The following SETBP1 variants were observed in gnomAD, a reference collection of about 807,000 sequenced individuals.
The protein encoded by SETBP1 is SET-binding protein.
In SETBP1, 9 loss-of-function variants were observed where a neutral mutation model predicts 101.0. The observed-to-expected ratio is 0.09, with a 90% confidence interval of 0.05 to 0.16. The LOEUF (loss-of-function observed/expected upper bound fraction) is 0.16. Ranked by LOEUF, SETBP1 falls within the 10% of genes least tolerant of loss-of-function variation. SETBP1 has a pLI of 1.00. For synonymous variants in SETBP1, 818 were observed against 788.5 expected (o/e 1.04, Z -0.63); for missense variants, 1,858 against 2,033.8 (o/e 0.91, Z 1.66).
At chr18:44,764,897 T>C (rs1388040323) in intron 2 of SETBP1, among the ~76,000 whole-genome samples, 3 of 152,234 alleles carry the variant, frequency 2.0e-5, no homozygotes. Flanking sequence ...GGGCAGGGAC[T>C]TTGCTCTGCT....
At chr18:44,710,618 A>C (rs2069317855) in intron 2 of SETBP1, among the ~76,000 whole-genome samples, 1 of 152,024 alleles carries the variant, frequency 6.6e-6, no homozygotes, top group South Asian at 2.1e-4. Context: ...CATGCGGCTA[A>C]CTTTTGTATT....
intron 4 of SETBP1, among the ~76,000 whole-genome samples, chr18:44,972,255 C>G (rs189315846): frequency 6.6e-6 from 1 of 151,966 alleles, no homozygotes; most frequent in Non-Finnish European, 1.5e-5. Context: ...TGGTACCAGT[C>G]CCATGCTGTT....
intron 2 of SETBP1, among the ~76,000 whole-genome samples, chr18:44,757,588 T>C (rs1288553675): frequency 6.6e-6 from 1 of 152,230 alleles, no homozygotes; most frequent in Non-Finnish European, 1.5e-5. Context: ...GTAGCAATAG[T>C]GAACATTTAC....
intron 5 of SETBP1, among the ~76,000 whole-genome samples, chr18:45,046,383 T>C (rs1463414975): frequency 6.6e-6 from 1 of 152,168 alleles, no homozygotes; most frequent in East Asian, 1.9e-4. Context: ...CCTAAGAAAG[T>C]TCACCAGATG....
At chr18:44,918,748 G>C (rs1369145557) in intron 3 of SETBP1, among the ~76,000 whole-genome samples, 1 of 152,198 alleles carries the variant, frequency 6.6e-6, no homozygotes, top group African/African-American at 2.4e-5. Flanking sequence ...AAAAACATTT[G>C]ACTATATAAT....
In SETBP1 at chr18:44,951,388, C is replaced by T. The variant is rs1470695355; in HGVS notation, c.2048C>T (p.Ser683Phe). The T allele has an allele frequency of 1.9e-6, 3 of 1,613,996 alleles. No individual in the cohort carries two copies. The highest frequency in any genetic ancestry group is 2.5e-6 in the Non-Finnish European group (3 of 1,180,052). Residue 683 changes from serine (S) to phenylalanine (F), a missense_variant, in exon 4 of 6, where the codon TCC becomes TTC. This residue lies in a region of SETBP1 where 111 missense variants were observed against 119.3 expected (regional missense o/e 0.93). Transcript: ENST00000649279. This position sits in a 1 kb window ranked among gnomAD's most constrained non-coding sequence, Gnocchi z 7.8. ...AAAAACATCTTGAATCAGATCTTGT[C>T]CTGTTCCAGCAGCGTTGCTCTGAAG... Reference protein sequence around the residue: ...KRKNILNQILSCSSSVALKAK... With the variant: ...KRKNILNQILFCSSSVALKAK...
intron 2 of SETBP1, among the ~76,000 whole-genome samples, chr18:44,752,099 A>T (rs543066255): frequency 1.3e-5 from 2 of 152,352 alleles, no homozygotes; most frequent in South Asian, 4.1e-4. Flanking sequence ...ACGTCTATAG[A>T]AGCAGGATAC....
rs577763162 is a variant in SETBP1, at chr18:45,052,901, CTT to C, written c.4172-10175_4172-10174del. ...GAAAATTCCTAAAAATCTGAGAACT[CTT>C]TTGAGAAAACAAAATTAAGTTTCAA... On this transcript the variant is annotated intron_variant, in intron 5 of 5. Transcript: ENST00000649279. 1.7e-3 allele frequency among the ~76,000 whole-genome samples: 262 copies of C among 152,276 alleles called. 2 individuals are homozygous for C. Among genetic ancestry groups the C allele is most frequent in the African/African-American group, 6.1e-3 (253 of 41,580 alleles).
chr18:44,773,178 C>A (rs2070912508), intron 2 of SETBP1, among the ~76,000 whole-genome samples: 1 of 152,192 alleles, frequency 6.6e-6, no homozygotes, highest in Admixed American at 6.5e-5. Context: ...AATGTATAGA[C>A]AGTCCATAGA....
At chr18:44,824,845 TG>T (rs1480936572) in intron 2 of SETBP1, among the ~76,000 whole-genome samples, 3 of 151,338 alleles carry the variant, frequency 2.0e-5, no homozygotes, top group African/African-American at 7.3e-5. Flanking sequence ...AGAAAGGGAG[TG>T]GGTCATCGTA....
chr18:44,742,759 C>T (rs569018720), intron 2 of SETBP1, among the ~76,000 whole-genome samples: 1 of 152,280 alleles, frequency 6.6e-6, no homozygotes, highest in South Asian at 2.1e-4. Context: ...TGTCCCAGGG[C>T]CCTCTGCTAG....
chr18:45,033,667 T>A (rs1001882880), intron 4 of SETBP1, among the ~76,000 whole-genome samples: 9 of 152,224 alleles, frequency 5.9e-5, no homozygotes, highest in African/African-American at 1.7e-4. Context: ...TTAATTAAAC[T>A]GTTCAACAAG....
At chr18:44,785,927 A>G (rs2071230627) in intron 2 of SETBP1, among the ~76,000 whole-genome samples, 1 of 152,190 alleles carries the variant, frequency 6.6e-6, no homozygotes, top group African/African-American at 2.4e-5. Flanking sequence ...ATCTTATGCA[A>G]GTAAGCTCTA....
intron 2 of SETBP1, among the ~76,000 whole-genome samples, chr18:44,762,493 C>T (rs892867711): frequency 2.0e-5 from 3 of 152,156 alleles, no homozygotes; most frequent in Non-Finnish European, 2.9e-5. Flanking sequence ...GTTCTAAGCA[C>T]GCAGTGCTTA....
At position 44,955,868 on chromosome 18, in the gene SETBP1, C is replaced by T. The variant is rs79329418; in HGVS notation, c.4000+2528C>T. Among the ~76,000 whole-genome samples, 1,035 of 152,272 alleles carry T rather than the reference C, an allele frequency of 6.8e-3. 49 individuals are homozygous for T. The East Asian group carries it at 0.14, about 20-fold the overall frequency. On this transcript the variant is annotated intron_variant, in intron 4 of 5. Coordinates refer to ENST00000649279, the MANE Select transcript of SETBP1 (RefSeq NM_015559.3). Reference sequence around the variant, plus strand: ...CTGCACAGTGATTGTGTGATGATTACAAAAGAGAATAGTTAAGGAAAGAAG... The same window carrying T: ...CTGCACAGTGATTGTGTGATGATTATAAAAGAGAATAGTTAAGGAAAGAAG...
chr18:44,746,558 T>C (rs1227545366), intron 2 of SETBP1, among the ~76,000 whole-genome samples: 1 of 152,198 alleles, frequency 6.6e-6, no homozygotes, highest in African/African-American at 2.4e-5. Flanking sequence ...ATGTGATATT[T>C]GGGGAGTGGC....
chr18:44,758,531 T>C (rs563841284), intron 2 of SETBP1, among the ~76,000 whole-genome samples: 75 of 152,182 alleles, frequency 4.9e-4, no homozygotes, highest in South Asian at 2.9e-3. Context: ...TACAGGGGCC[T>C]GCCACCACGC....
chr18:44,832,601 G>A (rs1808760323), intron 2 of SETBP1, among the ~76,000 whole-genome samples: 1 of 152,166 alleles, frequency 6.6e-6, no homozygotes, highest in South Asian at 2.1e-4. Flanking sequence ...ATATTTGCTA[G>A]GTAATGCTGA....
In SETBP1 at chr18:44,866,993, A is replaced by G. The variant is rs578252057; in HGVS notation, c.487-2237A>G. On this transcript the variant is annotated intron_variant, in intron 2 of 5. Coordinates refer to ENST00000649279, the MANE Select transcript of SETBP1 (RefSeq NM_015559.3). ...CAACAAATGGTCTCCAGTGTGCTAT[A>G]ATTCAGACGCATTTTATTATAGAGG... 7.2e-5 allele frequency among the ~76,000 whole-genome samples: 11 copies of G among 152,308 alleles called. No individual in the cohort carries two copies. The South Asian group carries it at 2.3e-3, about 32-fold the overall frequency.
Sources: allele counts gnomAD v4.1 joint callset (sites outside exome capture counted in the v4.1 genomes callset), GRCh38; gene constraint gnomAD v4.1.1; regional missense constraint gnomAD v4.1.1; non-coding constraint Gnocchi (gnomAD v3.1); transcripts MANE v1.5; gene names NCBI Gene and HGNC (gene_info 2026-07-23, HGNC 2026-07-21).